The following EFCAB13 variants were observed in gnomAD, a reference collection of about 807,000 sequenced individuals.
EFCAB13 encodes EF-hand calcium-binding domain-containing protein 13.
EFCAB13 carries 91 observed loss-of-function variants against 110.2 expected under a neutral mutation model. The observed-to-expected ratio is 0.83, with a 90% CI of 0.70 to 0.98. EFCAB13 has a LOEUF of 0.98. Ranked by LOEUF, EFCAB13 falls within the 50% of genes least tolerant of loss-of-function variation. The probability of loss-of-function intolerance (pLI) is 0.00; values close to 1 mark genes in which losing one functional copy is unlikely to be tolerated. For synonymous variants in EFCAB13, 323 were observed against 369.9 expected (o/e 0.87, Z 1.45); for missense variants, 968 against 1,119.4 (o/e 0.86, Z 1.93).
intron 23 of EFCAB13, among the ~76,000 whole-genome samples, chr17:47,419,699 G>A (rs901161350): frequency 6.6e-6 from 1 of 152,164 alleles, no homozygotes; most frequent in Non-Finnish European, 1.5e-5. Context: ...GGTTATTACT[G>A]TTCAGGAGTT....
chr17:47,431,922 T>A lies in EFCAB13; in HGVS notation c.2638+1961T>A, dbSNP rs12952779. On this transcript the variant is annotated intron_variant, in intron 24 of 24. Coordinates refer to ENST00000331493, the MANE Select transcript of EFCAB13 (RefSeq NM_152347.5). This position sits in a 1 kb window ranked among gnomAD's most constrained non-coding sequence, Gnocchi z 4.1. The stretch of plus-strand genomic sequence containing the variant: ...ACTTCTCCTTTTAATTCTGTCAGTG[T>A]TTGCTGTCTATAGTTTTAGCCCATG... Among the ~76,000 whole-genome samples, 1 of 152,210 alleles carries A rather than the reference T, an allele frequency of 6.6e-6. No individual in the cohort carries two copies. Among genetic ancestry groups the A allele is most frequent in the African/African-American group, 2.4e-5 (1 of 41,452 alleles).
chr17:47,368,557 A>G (rs2065562508), intron 10 of EFCAB13, among the ~76,000 whole-genome samples: 1 of 152,166 alleles, frequency 6.6e-6, no homozygotes, highest in South Asian at 2.1e-4. Flanking sequence ...ACTGCTGTTC[A>G]ATGTGGGGAA....
In EFCAB13 at chr17:47,414,856, G is replaced by A; in HGVS notation, c.2431G>A (p.Glu811Lys). ...TTACTTTGACCTTCCAGATAATATG[G>A]AGGTGGATTTAAAAGATTTCTTAAT... ...LNCCNVSDNM[E>K]VDLKDFLMKM... The change falls in exon 23 of 25, where the codon GAG becomes AAG. Residue 811 changes from glutamate (E) to lysine (K), a missense_variant. By Grantham distance (56) the Glu-to-Lys change is moderately conservative. Coordinates refer to ENST00000331493, the MANE Select transcript of EFCAB13 (RefSeq NM_152347.5). 1.2e-6 allele frequency: 2 copies of A among 1,603,442 alleles called. No homozygotes were observed. The highest frequency in any genetic ancestry group is 2.2e-5 in the South Asian group (2 of 89,966).
chr17:47,324,601 T>G (rs1336627519), intron 2 of EFCAB13, 78 bp downstream of exon 2: 1 of 152,096 alleles, frequency 6.6e-6, no homozygotes, highest in Non-Finnish European at 1.5e-5. Flanking sequence ...TGGCAGTAGC[T>G]GCAATGGAGT....
intron 23 of EFCAB13, chr17:47,423,673 C>T (rs1904809449): frequency 8.8e-6 from 4 of 452,584 alleles, no homozygotes; most frequent in Non-Finnish European, 1.4e-5. Context: ...GCGCGGGGTC[C>T]GCACGACGTG....
At chr17:47,325,532 CCACTTT>C (rs933585081) in intron 2 of EFCAB13, among the ~76,000 whole-genome samples, 31 of 152,222 alleles carry the variant, frequency 2.0e-4, no homozygotes, top group African/African-American at 7.5e-4. Context: ...CCATGATATG[CCACTTT>C]CACTTAGCCT....
intron 6 of EFCAB13, 124 bp from the exon 7 acceptor site, chr17:47,344,038 C>T: frequency 8.9e-7 from 1 of 1,127,464 alleles, no homozygotes; most frequent in Non-Finnish European, 1.2e-6. Context: ...AATTTTACAC[C>T]AGAAGCATAA....
At chr17:47,420,293 G>A (rs1251092896) in intron 23 of EFCAB13, among the ~76,000 whole-genome samples, 12 of 152,278 alleles carry the variant, frequency 7.9e-5, no homozygotes, top group African/African-American at 2.9e-4. Context: ...ATCTCGGCTC[G>A]CTACAACCTC....
At chr17:47,425,942 G>A (rs561908640) in intron 23 of EFCAB13, among the ~76,000 whole-genome samples, 18 of 152,348 alleles carry the variant, frequency 1.2e-4, no homozygotes, top group Admixed American at 8.5e-4. Flanking sequence ...TCTTAAGAGA[G>A]AGCGAGCACA....
At chr17:47,376,048 CT>C (rs772354932) in intron 12 of EFCAB13, among the ~76,000 whole-genome samples, 7 of 152,124 alleles carry the variant, frequency 4.6e-5, no homozygotes, top group East Asian at 3.8e-4. Flanking sequence ...AGATTTCTTC[CT>C]GTAGTCCTCT....
At position 47,429,932 on chromosome 17, in the gene EFCAB13, C is replaced by T. The variant is rs768735563; in HGVS notation, c.2609C>T (p.Thr870Ile). 1.7e-5 allele frequency: 28 copies of T among 1,608,722 alleles called. No individual in the cohort carries two copies. Among genetic ancestry groups the T allele is most frequent in the Non-Finnish European group, 2.3e-5 (27 of 1,176,688 alleles). ...CTTCATACAGCTAATGCTATACTTA[C>T]TGTAATGTTAAGACATGTACCTGAA... is the stretch of plus-strand genomic sequence containing the variant. ...KDLHTANAIL[T>I]VMLRHVPEHE... is the part of the protein sequence containing the mutation. The change falls in exon 24 of 25, where the codon ACT becomes ATT. Residue 870 changes from threonine (T) to isoleucine (I), a missense_variant. By Grantham distance (89) the Thr-to-Ile change is moderately conservative. Coordinates refer to ENST00000331493, the MANE Select transcript of EFCAB13 (RefSeq NM_152347.5).
rs1334880664 is a variant in EFCAB13 at position 47,326,347 on chromosome 17, A to G, written c.-126A>G. ...TTCAAGATTTATTCAAAACGTGTCAACTCTGCTTAATTAAGCACTTTGATG... is the reference window on the plus strand; with the variant it reads ...TTCAAGATTTATTCAAAACGTGTCAGCTCTGCTTAATTAAGCACTTTGATG... On this transcript the variant is annotated 5_prime_UTR_variant, in exon 3 of 25. Transcript: ENST00000331493. The G allele has an allele frequency of 6.6e-6, 1 of 152,086 alleles. No homozygotes were observed. Among genetic ancestry groups the G allele is most frequent in the East Asian group, 1.9e-4 (1 of 5,182 alleles). The allele number at this position is 152,086 out of a possible 1,614,324, so 9.4% of individuals were successfully genotyped here. A position where few individuals can be genotyped will look rare whatever the true frequency, so the allele number is the denominator to read the frequency against.
At chr17:47,434,941 A>G (rs1905185408) in intron 24 of EFCAB13, among the ~76,000 whole-genome samples, 1 of 152,204 alleles carries the variant, frequency 6.6e-6, no homozygotes, top group Non-Finnish European at 1.5e-5. Flanking sequence ...AAATTATAGA[A>G]TATAACATTA....
chr17:47,374,002 T>C (rs2143358983), intron 11 of EFCAB13, among the ~76,000 whole-genome samples: 1 of 152,280 alleles, frequency 6.6e-6, no homozygotes, highest in South Asian at 2.1e-4. Flanking sequence ...TTTCTAAAGA[T>C]GTTGTTTTAT....
chr17:47,325,846 A>G lies in EFCAB13; in HGVS notation c.-247-380A>G, dbSNP rs141674103. Among the ~76,000 whole-genome samples, 117 of 125,050 alleles carry G rather than the reference A, an allele frequency of 9.4e-4. 1 individual carries two copies. The East Asian group carries it at 0.02, about 21-fold the overall frequency. The allele number at this position is 125,050 out of a possible 152,430, so 82.0% of individuals were successfully genotyped here. ...TTGCAGATAACATACAATATGTTTT[A>G]TTTTTCTATTTTATTATTTCACTCC... On this transcript the variant is annotated intron_variant, in intron 2 of 24. Transcript: ENST00000331493.
At chr17:47,381,157 CT>C (rs2143382922) in intron 14 of EFCAB13, among the ~76,000 whole-genome samples, 1 of 152,166 alleles carries the variant, frequency 6.6e-6, no homozygotes, top group South Asian at 2.1e-4. Context: ...TAAATGTCTT[CT>C]TTTGAGAAGC....
intron 6 of EFCAB13, among the ~76,000 whole-genome samples, chr17:47,343,182 T>C (rs1415547685): frequency 1.3e-5 from 2 of 152,182 alleles, no homozygotes; most frequent in African/African-American, 4.8e-5. Flanking sequence ...TCTGTGGGAA[T>C]CTTCAGTTTG....
chr17:47,400,187 C>G (rs937348927), intron 17 of EFCAB13, among the ~76,000 whole-genome samples: 1 of 152,168 alleles, frequency 6.6e-6, no homozygotes, highest in Non-Finnish European at 1.5e-5. Context: ...GGCAGCAAGA[C>G]TCTGAACTTA....
chr17:47,336,625 G>A (rs1322592839), intron 5 of EFCAB13, among the ~76,000 whole-genome samples: 1 of 135,008 alleles, frequency 7.4e-6, no homozygotes, highest in Non-Finnish European at 1.6e-5. Flanking sequence ...ATTTTTAGTA[G>A]AGACGGGATT....
Sources: gnomAD v4.1 joint callset for allele counts (sites outside exome capture counted in the v4.1 genomes callset) on GRCh38, gnomAD v4.1.1 for gene constraint, Gnocchi (gnomAD v3.1) non-coding constraint, MANE v1.5 for transcripts, NCBI Gene and HGNC (gene_info 2026-07-23, HGNC 2026-07-21) for gene names.